The following SLC35F1 variants were observed in gnomAD, a reference collection of about 807,000 sequenced individuals.
SLC35F1 encodes the protein solute carrier family 35 member F1.
Under a neutral mutation model 48.7 loss-of-function variants are expected in SLC35F1, and 14 were observed. The observed-to-expected ratio is 0.29, with a 90% CI of 0.19 to 0.45. SLC35F1 has a LOEUF of 0.45. SLC35F1 is among the 20% of genes least tolerant of loss of function. SLC35F1 has a pLI of 1.00. For missense variants in SLC35F1, 404 were observed against 500.0 expected, an observed-to-expected ratio of 0.81 and a Z score of 1.83; for synonymous variants, 190 against 202.2, an observed-to-expected ratio of 0.94 and a Z score of 0.51.
intron 1 of SLC35F1, among the ~76,000 whole-genome samples, chr6:117,978,900 AC>A (rs150275916): frequency 2.5e-3 from 378 of 152,284 alleles, no homozygotes; most frequent in African/African-American, 8.7e-3. Flanking sequence ...TTATGTGACA[AC>A]CCTGCCCTCA....
chr6:118,101,497 G>A (rs1213331507), intron 1 of SLC35F1, among the ~76,000 whole-genome samples: 2 of 152,222 alleles, frequency 1.3e-5, no homozygotes, highest in Admixed American at 6.5e-5. Flanking sequence ...CCTCTGAAAA[G>A]AATGGATATC....
At chr6:117,920,724 A>G (rs1424548764) in intron 1 of SLC35F1, among the ~76,000 whole-genome samples, 1 of 152,144 alleles carries the variant, frequency 6.6e-6, no homozygotes, top group Non-Finnish European at 1.5e-5. Flanking sequence ...TCCATCTGCT[A>G]ATGGAAAGAT....
chr6:118,119,766 A>T (rs1297303538), intron 1 of SLC35F1, among the ~76,000 whole-genome samples: 2 of 152,186 alleles, frequency 1.3e-5, no homozygotes, highest in Non-Finnish European at 2.9e-5. Flanking sequence ...CACATTTGGT[A>T]CTTCTTAGCT....
Position 118,063,611 on chromosome 6 carries a change from T to C in SLC35F1, c.174-90834T>C, listed in dbSNP as rs553437348. ...ACCCATATCAAAGCTGTGTATACAA[T>C]TGGGCACTGCATTCTCATACAGTGA... On this transcript the variant is annotated intron_variant, in intron 1 of 7. Coordinates refer to ENST00000360388, the MANE Select transcript of SLC35F1 (RefSeq NM_001029858.4). 5.9e-5 allele frequency among the ~76,000 whole-genome samples: 9 copies of C among 152,266 alleles called. No homozygotes were observed. In the South Asian group the frequency reaches 1.0e-3, roughly 18 times the overall value.
At chr6:118,178,896 A>T (rs1341757095) in intron 2 of SLC35F1, among the ~76,000 whole-genome samples, 1 of 152,250 alleles carries the variant, frequency 6.6e-6, no homozygotes, top group East Asian at 1.9e-4. Flanking sequence ...TCTTCTTTAG[A>T]ATATTTCTAT....
chr6:117,991,908 A>G (rs555513567), intron 1 of SLC35F1, among the ~76,000 whole-genome samples: 203 of 152,250 alleles, frequency 1.3e-3, no homozygotes, highest in Non-Finnish European at 2.1e-3. Flanking sequence ...TTTTTTTCTC[A>G]TGATACCAAA....
chr6:118,014,756 G>C (rs185743534), intron 1 of SLC35F1, among the ~76,000 whole-genome samples: 11 of 152,294 alleles, frequency 7.2e-5, no homozygotes, highest in African/African-American at 2.4e-4. Flanking sequence ...GTAAATAAAT[G>C]TCATAGAGCA....
At chr6:118,259,877 C>A (rs1775690684) in intron 3 of SLC35F1, among the ~76,000 whole-genome samples, 1 of 152,066 alleles carries the variant, frequency 6.6e-6, no homozygotes, top group Non-Finnish European at 1.5e-5. Context: ...TCAATATCTA[C>A]CCAAAGAAAT....
intron 3 of SLC35F1, among the ~76,000 whole-genome samples, chr6:118,258,731 T>A: frequency 6.6e-6 from 1 of 151,944 alleles, no homozygotes; most frequent in East Asian, 1.9e-4. Context: ...CTAAAATGGA[T>A]CTTAATATAT....
intron 1 of SLC35F1, among the ~76,000 whole-genome samples, chr6:117,915,966 G>C (rs1429570820): frequency 6.6e-6 from 1 of 152,204 alleles, no homozygotes; most frequent in Non-Finnish European, 1.5e-5. Context: ...ACTCAGCAGT[G>C]CCTGTCAAAT....
intron 1 of SLC35F1, among the ~76,000 whole-genome samples, chr6:118,058,278 T>C (rs897853224): frequency 6.6e-6 from 1 of 152,136 alleles, no homozygotes; most frequent in Non-Finnish European, 1.5e-5. Flanking sequence ...CTCCAGTAAC[T>C]CAGCCCGGCC....
At chr6:118,126,949 T>G (rs1427151904) in intron 1 of SLC35F1, among the ~76,000 whole-genome samples, 1 of 152,202 alleles carries the variant, frequency 6.6e-6, no homozygotes, top group East Asian at 1.9e-4. Context: ...TGACTTCCTC[T>G]TTCCTAATTG....
intron 1 of SLC35F1, among the ~76,000 whole-genome samples, chr6:118,063,253 C>T (rs930375562): frequency 2.6e-5 from 4 of 151,994 alleles, no homozygotes; most frequent in Admixed American, 2.0e-4. Context: ...AGATTCATCA[C>T]TTCATTATAG....
In SLC35F1 at chr6:117,982,283, C is replaced by G. The variant is rs1235624308; in HGVS notation, c.173+74384C>G. Among the ~76,000 whole-genome samples, 3 of 152,006 alleles carry G rather than the reference C, an allele frequency of 2.0e-5. No individual in the cohort carries two copies. The East Asian group carries it at 5.8e-4, about 29-fold the overall frequency. ...GTCATGTATTTCTTGTTAGCTTTTC[C>G]TTCTGAGATGACAACAAATATTTTT... On this transcript the variant is annotated intron_variant, in intron 1 of 7. Coordinates refer to ENST00000360388, the MANE Select transcript of SLC35F1 (RefSeq NM_001029858.4).
At chr6:118,028,473 AGGTG>A (rs1771989696) in intron 1 of SLC35F1, among the ~76,000 whole-genome samples, 1 of 152,098 alleles carries the variant, frequency 6.6e-6, no homozygotes, top group South Asian at 2.1e-4. Flanking sequence ...ATACTTTGAA[AGGTG>A]TAGCTTGAAT....
In SLC35F1 at chr6:118,119,504, C is replaced by T. The variant is rs761122765; in HGVS notation, c.174-34941C>T. On this transcript the variant is annotated intron_variant, in intron 1 of 7. Transcript: ENST00000360388. ...GCAGTAATAACCGGCGCCCCCCCTC[C>T]ACCCCGCTTTTTTTTTTGAGACGGA... Among the ~76,000 whole-genome samples the T allele has an allele frequency of 1.2e-4, 14 of 112,910 alleles. 1 individual carries two copies. Among genetic ancestry groups the T allele is most frequent in the African/African-American group, 2.5e-4 (8 of 32,628 alleles). 74.1% of individuals were successfully genotyped at this position (112,910 alleles called of 152,430 possible).
At chr6:118,303,362 G>A (rs538331888) in intron 7 of SLC35F1, among the ~76,000 whole-genome samples, 1 of 152,322 alleles carries the variant, frequency 6.6e-6, no homozygotes, top group Admixed American at 6.5e-5. Context: ...TGAGTATAGG[G>A]AATGGAAGAA....
intron 1 of SLC35F1, among the ~76,000 whole-genome samples, chr6:118,078,300 T>TA (rs1772852105): frequency 6.6e-6 from 1 of 152,114 alleles, no homozygotes; most frequent in Non-Finnish European, 1.5e-5. Flanking sequence ...AGACCACTAA[T>TA]AAAAAATAGA....
intron 1 of SLC35F1, among the ~76,000 whole-genome samples, chr6:118,086,229 C>T (rs1016059702): frequency 3.3e-5 from 5 of 152,120 alleles, no homozygotes; most frequent in Admixed American, 2.0e-4. Flanking sequence ...CAATTGCTGT[C>T]GAACTGTCCA....
Sources: allele counts gnomAD v4.1 joint callset (sites outside exome capture counted in the v4.1 genomes callset), GRCh38; gene constraint gnomAD v4.1.1; transcripts MANE v1.5; gene names NCBI Gene and HGNC (gene_info 2026-07-23, HGNC 2026-07-21).